The following UNC5D variants were observed in gnomAD, a reference collection of about 807,000 sequenced individuals.
The protein encoded by UNC5D is unc-5 netrin receptor D.
A neutral mutation model predicts 105.4 loss-of-function variants in UNC5D; 39 were observed. The ratio of observed to expected loss-of-function variants is 0.37; its 90% CI spans 0.29 to 0.48. The LOEUF (loss-of-function observed/expected upper bound fraction) is 0.48, where lower values mean the gene tolerates loss of function less well. UNC5D is among the 20% of genes least tolerant of loss of function. The pLI is 0.98. For missense variants in UNC5D, 991 were observed against 1,202.4 expected (o/e 0.82, Z 2.60); for synonymous variants, 452 against 450.4 (o/e 1.00, Z -0.04).
Position 35,388,669 on chromosome 8 carries a change from A to T in UNC5D, c.103+152782A>T, listed in dbSNP as rs191586688. ...GGCATATTTTCAGCCAATTCAGCTTAATTCAAACATAACTTCTGTGTAAAA... is the reference window on the plus strand; with the variant it reads ...GGCATATTTTCAGCCAATTCAGCTTTATTCAAACATAACTTCTGTGTAAAA... On this transcript the variant is annotated intron_variant, in intron 1 of 16. Transcript: ENST00000404895. Among the ~76,000 whole-genome samples, 267 of 152,338 alleles carry T rather than the reference A, an allele frequency of 1.8e-3. 7 individuals carry two copies. The East Asian group carries it at 0.038, about 22-fold the overall frequency.
At chr8:35,296,718 G>GC (rs1807518793) in intron 1 of UNC5D, among the ~76,000 whole-genome samples, 1 of 152,240 alleles carries the variant, frequency 6.6e-6, no homozygotes, top group East Asian at 1.9e-4. Flanking sequence ...ACCATGCCTG[G>GC]CCGTGGTAAG....
intron 1 of UNC5D, among the ~76,000 whole-genome samples, chr8:35,338,935 G>C (rs969355202): frequency 2.0e-5 from 3 of 151,918 alleles, no homozygotes; most frequent in African/African-American, 7.3e-5. Flanking sequence ...TGTACCTTGG[G>C]GCTGCTGTTT....
chr8:35,536,633 A>C (rs372852838), intron 1 of UNC5D, among the ~76,000 whole-genome samples: 112 of 152,298 alleles, frequency 7.4e-4, no homozygotes, highest in South Asian at 1.7e-3. Flanking sequence ...TCATCTCTTG[A>C]TTGCTGTAAT....
chr8:35,246,848 T>C (rs1466893863), intron 1 of UNC5D, among the ~76,000 whole-genome samples: 3 of 152,124 alleles, frequency 2.0e-5, no homozygotes, highest in Non-Finnish European at 4.4e-5. Flanking sequence ...TGTAGAATAG[T>C]GTTATGTCAT....
chr8:35,747,449 AAGG>A (rs1563729635), intron 11 of UNC5D, among the ~76,000 whole-genome samples: 1 of 152,184 alleles, frequency 6.6e-6, no homozygotes, highest in Non-Finnish European at 1.5e-5. Context: ...TTTTTTGGTC[AAGG>A]ATGAAGTATT....
At chr8:35,542,258 C>T (rs188685518) in intron 1 of UNC5D, among the ~76,000 whole-genome samples, 78 of 152,152 alleles carry the variant, frequency 5.1e-4, no homozygotes, top group Non-Finnish European at 8.7e-4. Flanking sequence ...ATTAAATGGG[C>T]GAAATGCATC....
rs1234149254 is a variant in UNC5D, at chr8:35,794,074, G to T, written c.*3511G>T. On this transcript the variant is annotated 3_prime_UTR_variant, in exon 17 of 17. Coordinates refer to ENST00000404895, the MANE Select transcript of UNC5D (RefSeq NM_080872.4). ...AAACAAATGTAGATGATTAAAATAG[G>T]ATAATTGGTTTTAGATAATATCTTC... 1 of 152,118 alleles carries T rather than the reference G, an allele frequency of 6.6e-6. No homozygotes were observed. Among genetic ancestry groups the T allele is most frequent in the African/African-American group, 2.4e-5 (1 of 41,430 alleles). 9.4% of individuals were successfully genotyped at this position (152,118 alleles called of 1,614,324 possible).
chr8:35,702,316 C>A (rs1827259857), intron 7 of UNC5D, among the ~76,000 whole-genome samples: 1 of 151,940 alleles, frequency 6.6e-6, no homozygotes, highest in Non-Finnish European at 1.5e-5. Flanking sequence ...CACACAGATC[C>A]CAGATATGTT....
At chr8:35,339,900 G>A (rs145850001) in intron 1 of UNC5D, among the ~76,000 whole-genome samples, 193 of 152,332 alleles carry the variant, frequency 1.3e-3, no homozygotes, top group African/African-American at 4.3e-3. Flanking sequence ...GGGTGCCAGT[G>A]AGGGTCCCAG....
intron 1 of UNC5D, among the ~76,000 whole-genome samples, chr8:35,341,586 G>T (rs1485865159): frequency 6.6e-6 from 1 of 151,644 alleles, no homozygotes; most frequent in Non-Finnish European, 1.5e-5. Flanking sequence ...TTAGTCTGTC[G>T]TCTTGATATA....
chr8:35,246,488 CAGG>C (rs1433337265), intron 1 of UNC5D, among the ~76,000 whole-genome samples: 5 of 152,150 alleles, frequency 3.3e-5, no homozygotes, highest in South Asian at 2.1e-4. Context: ...AGTGGTTTGG[CAGG>C]AGAAGACCTG....
intron 1 of UNC5D, among the ~76,000 whole-genome samples, chr8:35,359,188 A>G (rs1403331496): frequency 6.6e-6 from 1 of 152,238 alleles, no homozygotes; most frequent in Non-Finnish European, 1.5e-5. Flanking sequence ...ACTCTTCAAG[A>G]AAAAGGTAGT....
chr8:35,314,487 T>C (rs1488271818), intron 1 of UNC5D, among the ~76,000 whole-genome samples: 1 of 152,146 alleles, frequency 6.6e-6, no homozygotes, highest in East Asian at 1.9e-4. Flanking sequence ...AAAGCTAATG[T>C]TGACAACAGC....
At chr8:35,238,603 A>C (rs182153392) in intron 1 of UNC5D, among the ~76,000 whole-genome samples, 112 of 152,286 alleles carry the variant, frequency 7.4e-4, no homozygotes, top group African/African-American at 2.6e-3. Flanking sequence ...TCTTCAAGAA[A>C]AAAAGGGGGA....
In UNC5D at chr8:35,791,118, A is replaced by C. The variant is rs1001950331; in HGVS notation, c.*555A>C. On this transcript the variant is annotated 3_prime_UTR_variant, in exon 17 of 17. Transcript: ENST00000404895. ...TAGAATCTGAGCACATCACACCAGC[A>C]CCAGCTCCCTGTCTCTTCTAGCCAC... 1.8e-5 allele frequency: 3 copies of C among 168,870 alleles called. No homozygotes were observed. The highest frequency in any genetic ancestry group is 1.1e-4 in the Admixed American group (2 of 18,250). 10.5% of individuals were successfully genotyped at this position (168,870 alleles called of 1,614,324 possible).
At chr8:35,648,960 C>G (rs575543059) in intron 4 of UNC5D, among the ~76,000 whole-genome samples, 32 of 151,954 alleles carry the variant, frequency 2.1e-4, no homozygotes, top group African/African-American at 7.0e-4. Flanking sequence ...AGTACAAGCA[C>G]CTATATAGGG....
chr8:35,348,903 A>G (rs1346507883), intron 1 of UNC5D, among the ~76,000 whole-genome samples: 1 of 151,912 alleles, frequency 6.6e-6, no homozygotes, highest in Non-Finnish European at 1.5e-5. Context: ...TAGACATGAA[A>G]TTTTAGTAAA....
chr8:35,776,876 A>C (rs926964933), intron 16 of UNC5D, among the ~76,000 whole-genome samples: 5 of 152,186 alleles, frequency 3.3e-5, no homozygotes, highest in Non-Finnish European at 7.4e-5. Context: ...TAGGAGGCCA[A>C]GGTGGAAGTG....
At chr8:35,653,155 C>G (rs1179952799) in intron 4 of UNC5D, among the ~76,000 whole-genome samples, 1 of 152,014 alleles carries the variant, frequency 6.6e-6, no homozygotes, top group East Asian at 1.9e-4. Flanking sequence ...GTCTCGATCT[C>G]TTGACCTCAT....
Sources: gnomAD v4.1 joint callset for allele counts (sites outside exome capture counted in the v4.1 genomes callset) on GRCh38, gnomAD v4.1.1 for gene constraint, MANE v1.5 for transcripts, NCBI Gene and HGNC (gene_info 2026-07-23, HGNC 2026-07-21) for gene names.